The following SNAI2 variants were observed in gnomAD, a reference collection of about 807,000 sequenced individuals.
SNAI2 encodes zinc finger protein SNAI2.
SNAI2 carries 2 observed loss-of-function variants against 22.4 expected under a neutral mutation model. That is an observed-to-expected ratio of 0.09 (90% CI 0.04 to 0.28). The LOEUF is 0.28. Ranked by LOEUF, SNAI2 falls within the 10% of genes least tolerant of loss-of-function variation. SNAI2 has a pLI of 1.00. For synonymous variants in SNAI2, 134 were observed against 123.0 expected, an observed-to-expected ratio of 1.09 and a Z score of -0.59; for missense variants, 239 against 320.8, an observed-to-expected ratio of 0.75 and a Z score of 1.95.
rs751957538 is a variant in SNAI2 at position 48,920,258 on chromosome 8, G to A, written c.263C>T (p.Pro88Leu). 5.6e-6 allele frequency: 9 copies of A among 1,614,014 alleles called. No individual in the cohort carries two copies. In the Middle Eastern group the frequency reaches 6.6e-4, roughly 118 times the overall value. Residue 88 changes from proline to leucine, a missense_variant, in exon 2 of 3, where the codon CCC (proline) becomes CTC (leucine). Pro to Leu is a moderately conservative substitution (Grantham distance 98, BLOSUM62 -3). Around this residue, in one of 3 missense-constraint regions of SNAI2, gnomAD observed 183 missense variants for 190.4 expected, o/e 0.96. Transcript: ENST00000020945. ...GGAGGAGGTGTCAGATGGAGGAGGG[G>A]GACTCACTCGCCCCAAAGATGAGGA... ...GYSSSLGRVS[P>L]PPPSDTSSKD...
In SNAI2 at chr8:48,918,196, A is replaced by G. The variant is rs1262104019; in HGVS notation, c.*611T>C. ...ACTGTTAATTGGCAAAAACAAAACA[A>G]AACAAAAATACTTTTAATACATTCT... On this transcript the variant is annotated 3_prime_UTR_variant, in exon 3 of 3. Coordinates refer to ENST00000020945, the MANE Select transcript of SNAI2 (RefSeq NM_003068.5). 1 of 152,528 alleles carries G rather than the reference A, an allele frequency of 6.6e-6. No individual in the cohort carries two copies. The highest frequency in any genetic ancestry group is 1.5e-5 in the Non-Finnish European group (1 of 68,286). 9.4% of individuals were successfully genotyped at this position (152,528 alleles called of 1,614,324 possible).
At chr8:48,919,599 G>A (rs1806131168) in intron 2 of SNAI2, among the ~76,000 whole-genome samples, 1 of 152,204 alleles carries the variant, frequency 6.6e-6, no homozygotes, top group Non-Finnish European at 1.5e-5. Flanking sequence ...ACTGGGGGCA[G>A]TTTCACAGAA....
chr8:48,920,185 T>A lies in SNAI2; in HGVS notation c.336A>T (p.Arg112Ser), dbSNP rs775535419. 1 of 1,614,236 alleles carries A rather than the reference T, an allele frequency of 6.2e-7. No individual in the cohort carries two copies. The highest frequency in any genetic ancestry group is 1.7e-5 in the Admixed American group (1 of 60,032). Residue 112 changes from arginine to serine, a missense_variant, in exon 2 of 3, where the codon AGA (arginine) becomes AGT (serine). Arg to Ser is a moderately radical substitution (Grantham distance 110). Around this residue, in one of 3 missense-constraint regions of SNAI2, gnomAD observed 183 missense variants for 190.4 expected, o/e 0.96. Coordinates refer to ENST00000020945, the MANE Select transcript of SNAI2 (RefSeq NM_003068.5). The part of the protein sequence containing the change: ...SESPISDEEE[R>S]LQSKLSDPHA... ...GGGGGTCTGAAAGCTTGGACTGTAGTCTTTCCTCTTCATCACTAATGGGGC... is the reference window on the plus strand; with the variant it reads ...GGGGGTCTGAAAGCTTGGACTGTAGACTTTCCTCTTCATCACTAATGGGGC...
rs371076039 is a variant in SNAI2, at chr8:48,918,781, G to A, written c.*26C>T. 11 of 1,612,740 alleles carry A rather than the reference G, an allele frequency of 6.8e-6. No homozygotes were observed. The highest frequency in any genetic ancestry group is 9.3e-6 in the Non-Finnish European group (11 of 1,178,896). ...GCTTCGGAGTGAAGAAATGCATTCT[G>A]TTCGAGTAAACATTGATTGCGTCAC... On this transcript the variant is annotated 3_prime_UTR_variant, in exon 3 of 3. Transcript: ENST00000020945.
chr8:48,918,760 C>A lies in SNAI2; in HGVS notation c.*47G>T. 1 of 1,606,198 alleles carries A rather than the reference C, an allele frequency of 6.2e-7. No homozygotes were observed. The highest frequency in any genetic ancestry group is 8.5e-7 in the Non-Finnish European group (1 of 1,173,022). On this transcript the variant is annotated 3_prime_UTR_variant, in exon 3 of 3. Transcript: ENST00000020945. Reference sequence around the variant, plus strand: ...TTGGACTTTATTTGTCATTTGGCTTCGGAGTGAAGAAATGCATTCTGTTCG... The same window carrying A: ...TTGGACTTTATTTGTCATTTGGCTTAGGAGTGAAGAAATGCATTCTGTTCG...
rs1252010402 is a variant in SNAI2, at chr8:48,921,387, G to A, written c.-122C>T. 1 of 780,796 alleles carries A rather than the reference G, an allele frequency of 1.3e-6. No individual in the cohort carries two copies. Among genetic ancestry groups the A allele is most frequent in the Admixed American group, 1.9e-5 (1 of 53,016 alleles). 48.4% of individuals were successfully genotyped at this position (780,796 alleles called of 1,614,324 possible). ...GGGCCGTGCTCAGGTGCGGCAGACG[G>A]ACGGGCCGGCGCCTCTGAAGTCACC... On this transcript the variant is annotated 5_prime_UTR_variant, in exon 1 of 3. Transcript: ENST00000020945.
Position 48,918,636 on chromosome 8 carries a change from C to T in SNAI2, c.*171G>A, listed in dbSNP as rs1585622730. 2 of 649,488 alleles carry T rather than the reference C, an allele frequency of 3.1e-6. No individual in the cohort carries two copies. The highest frequency in any genetic ancestry group is 5.4e-5 in the East Asian group (2 of 36,718). The allele number at this position is 649,488 out of a possible 1,614,324, so 40.2% of individuals were successfully genotyped here. On this transcript the variant is annotated 3_prime_UTR_variant, in exon 3 of 3. Coordinates refer to ENST00000020945, the MANE Select transcript of SNAI2 (RefSeq NM_003068.5). The stretch of plus-strand genomic sequence containing the variant: ...TATCTTTAAACACATGAATTCCATG[C>T]TCTTGCAGCTCTCTCTCTGTGGGTG...
chr8:48,920,525 GAT>G, intron 1 of SNAI2, 84 bp from the exon 2 acceptor site: 1 of 1,221,298 alleles, frequency 8.2e-7, no homozygotes, highest in Middle Eastern at 2.3e-4. Context: ...ACACTGGAAA[GAT>G]ATTTAGCAAC....
Position 48,920,311 on chromosome 8 carries a change from G to C in SNAI2, c.210C>G (p.Pro70=). Residue 70 remains proline (P), a synonymous_variant, in exon 2 of 3, where the codon CCC becomes CCG. Transcript: ENST00000020945. ...ATCCGGAAAGAGGAGAGAGGCCATT[G>C]GGTAGCTGGGCGTGGAATGGAGCAG... ...TTAAPFHAQL[P]NGLSPLSGYS... The C allele has an allele frequency of 6.2e-7, 1 of 1,611,956 alleles. No individual in the cohort carries two copies. Among genetic ancestry groups the C allele is most frequent in the Non-Finnish European group, 8.5e-7 (1 of 1,178,424 alleles).
rs1806158777 is a variant in SNAI2, at chr8:48,921,307, C to T, written c.-42G>A. ...GCGGGCGCCCGGCGCGGATAACGGT[C>T]CGGCGGGAGGACACGGCGGTCCCTA... On this transcript the variant is annotated 5_prime_UTR_variant, in exon 1 of 3. Coordinates refer to ENST00000020945, the MANE Select transcript of SNAI2 (RefSeq NM_003068.5). The T allele has an allele frequency of 6.6e-7, 1 of 1,507,646 alleles. No homozygotes were observed. The highest frequency in any genetic ancestry group is 1.7e-5 in the Admixed American group (1 of 59,868). The allele number at this position is 1,507,646 out of a possible 1,614,324, so 93.4% of individuals were successfully genotyped here.
In SNAI2 at chr8:48,920,302, G is replaced by A. The variant is rs189890133; in HGVS notation, c.219C>T (p.Leu73=). The change falls in exon 2 of 3, where the codon CTC becomes CTT. Residue 73 remains leucine, a synonymous_variant. Transcript: ENST00000020945. ...ATGAGGAGTATCCGGAAAGAGGAGA[G>A]AGGCCATTGGGTAGCTGGGCGTGGA... The part of the protein sequence containing the change: ...APFHAQLPNG[L]SPLSGYSSSL... 49 of 1,612,486 alleles carry A rather than the reference G, an allele frequency of 3.0e-5. No homozygotes were observed. The highest frequency in any genetic ancestry group is 1.0e-4 in the Admixed American group (6 of 59,932).
At chr8:48,921,048 A>G in intron 1 of SNAI2, 139 bp downstream of exon 1, 1 of 708,508 alleles carries the variant, frequency 1.4e-6, no homozygotes, top group Non-Finnish European at 2.5e-6. Context: ...AAAGAATGTA[A>G]GCTCCCTTTC....
chr8:48,921,321 C>G lies in SNAI2; in HGVS notation c.-56G>C, dbSNP rs995136943. ...CGGATAACGGTCCGGCGGGAGGACA[C>G]GGCGGTCCCTACAGCATCGCGGCGG... On this transcript the variant is annotated 5_prime_UTR_variant, in exon 1 of 3. Coordinates refer to ENST00000020945, the MANE Select transcript of SNAI2 (RefSeq NM_003068.5). 1 of 1,366,000 alleles carries G rather than the reference C, an allele frequency of 7.3e-7. No homozygotes were observed. The highest frequency in any genetic ancestry group is 1.4e-5 in the African/African-American group (1 of 70,226). 84.6% of individuals were successfully genotyped at this position (1,366,000 alleles called of 1,614,324 possible).
chr8:48,921,386 G>A lies in SNAI2; in HGVS notation c.-121C>T, dbSNP rs377272066. On this transcript the variant is annotated 5_prime_UTR_variant, in exon 1 of 3. Transcript: ENST00000020945. ...GGGGCCGTGCTCAGGTGCGGCAGAC[G>A]GACGGGCCGGCGCCTCTGAAGTCAC... 3.9e-6 allele frequency: 3 copies of A among 778,998 alleles called. No individual in the cohort carries two copies. Among genetic ancestry groups the A allele is most frequent in the South Asian group, 2.8e-5 (2 of 70,886 alleles). The allele number at this position is 778,998 out of a possible 1,614,324, so 48.3% of individuals were successfully genotyped here.
chr8:48,920,401 A>T lies in SNAI2; in HGVS notation c.120T>A (p.Pro40=), dbSNP rs1479416500. The stretch of plus-strand genomic sequence containing the variant: ...TGAGGATCTCTGGTTGTGGTATGAC[A>T]GGCATGGAGTAACTCTCATAGAGAT... ...SPYLYESYSM[P]VIPQPEILSS... The change falls in exon 2 of 3, where the codon CCT becomes CCA. Residue 40 remains proline (P), a synonymous_variant. Coordinates refer to ENST00000020945, the MANE Select transcript of SNAI2 (RefSeq NM_003068.5). 3.1e-6 allele frequency: 5 copies of T among 1,614,064 alleles called. No individual in the cohort carries two copies. In the African/African-American group the frequency reaches 6.7e-5, roughly 22 times the overall value.
chr8:48,920,789 G>T (rs893482763), intron 1 of SNAI2, among the ~76,000 whole-genome samples: 1 of 152,138 alleles, frequency 6.6e-6, no homozygotes, highest in African/African-American at 2.4e-5. Flanking sequence ...TCCATGTTAC[G>T]TATGGGCTAT....
Position 48,921,402 on chromosome 8 carries a change from C to T in SNAI2, c.-137G>A. The T allele has an allele frequency of 2.8e-6, 2 of 718,804 alleles. No homozygotes were observed. The highest frequency in any genetic ancestry group is 3.0e-5 in the South Asian group (2 of 66,002). The allele number at this position is 718,804 out of a possible 1,614,324, so 44.5% of individuals were successfully genotyped here. A position where few individuals can be genotyped will look rare whatever the true frequency, so the allele number is the denominator to read the frequency against. ...GCGGCAGACGGACGGGCCGGCGCCT[C>T]TGAAGTCACCCGGCTCCTTTACGAA... On this transcript the variant is annotated 5_prime_UTR_variant, in exon 1 of 3. Coordinates refer to ENST00000020945, the MANE Select transcript of SNAI2 (RefSeq NM_003068.5).
Position 48,920,139 on chromosome 8 carries a change from A to G in SNAI2, c.382T>C (p.Phe128Leu). The G allele has an allele frequency of 6.2e-7, 1 of 1,614,192 alleles. No individual in the cohort carries two copies. Among genetic ancestry groups the G allele is most frequent in the Non-Finnish European group, 8.5e-7 (1 of 1,180,040 alleles). ...SDPHAIEAEK[F>L]QCNLCNKTYS... is the part of the protein sequence containing the mutation. Reference sequence around the variant, plus strand: ...GTCTTATTGCATAAATTGCACTGAAACTTTTCAGCTTCAATGGCATGGGGG... The same window carrying G: ...GTCTTATTGCATAAATTGCACTGAAGCTTTTCAGCTTCAATGGCATGGGGG... Residue 128 changes from phenylalanine (F) to leucine (L), a missense_variant, in exon 2 of 3, where the codon TTT becomes CTT. This residue lies in a region of SNAI2 where 183 missense variants were observed against 190.4 expected (regional missense o/e 0.96). Coordinates refer to ENST00000020945, the MANE Select transcript of SNAI2 (RefSeq NM_003068.5).
In SNAI2 at chr8:48,920,120, T is replaced by C. The variant is rs200799419; in HGVS notation, c.401A>G (p.Asn134Ser). The C allele has an allele frequency of 2.5e-6, 4 of 1,614,234 alleles. No individual in the cohort carries two copies. In the East Asian group the frequency reaches 8.9e-5, roughly 36 times the overall value. ...CCCAGAAAAAGTTGAATAGGTCTTATTGCATAAATTGCACTGAAACTTTTC... is the reference window on the plus strand; with the variant it reads ...CCCAGAAAAAGTTGAATAGGTCTTACTGCATAAATTGCACTGAAACTTTTC... ...EAEKFQCNLC[N>S]KTYSTFSGLA... is the part of the protein sequence containing the mutation. Residue 134 changes from asparagine (N) to serine (S), a missense_variant, in exon 2 of 3, where the codon AAT (asparagine) becomes AGT (serine). By Grantham distance (46) the Asn-to-Ser change is conservative. Transcript: ENST00000020945.
Sources: gnomAD v4.1 joint callset for allele counts (sites outside exome capture counted in the v4.1 genomes callset) on GRCh38, gnomAD v4.1.1 for gene constraint, gnomAD v4.1.1 regional missense constraint, MANE v1.5 for transcripts, NCBI Gene and HGNC (gene_info 2026-07-23, HGNC 2026-07-21) for gene names.